AOPEP: variants seen among roughly 807,000 people sequenced by gnomAD.
The protein encoded by AOPEP is aminopeptidase O.
AOPEP carries 77 observed loss-of-function variants against 98.1 expected under a neutral mutation model. The ratio of observed to expected loss-of-function variants is 0.78; its 90% CI spans 0.65 to 0.95. The LOEUF (loss-of-function observed/expected upper bound fraction) is 0.95. AOPEP is among the 40% of genes least tolerant of loss of function. The pLI, the probability that AOPEP is intolerant of heterozygous loss-of-function variation, is 0.00. For synonymous variants in AOPEP, 346 were observed against 365.3 expected (o/e 0.95, Z 0.60); for missense variants, 1,024 against 1,024.7 (o/e 1.00, Z 0.01).
intron 1 of AOPEP, among the ~76,000 whole-genome samples, chr9:94,736,405 A>G (rs934630146): frequency 2.6e-5 from 4 of 152,182 alleles, no homozygotes; most frequent in African/African-American, 9.6e-5. Context: ...ATTCTTTAGC[A>G]TTTCTGGGGA....
At chr9:94,914,131 C>G (rs982618984) in intron 5 of AOPEP, among the ~76,000 whole-genome samples, 2 of 152,326 alleles carry the variant, frequency 1.3e-5, no homozygotes, top group East Asian at 1.9e-4. Flanking sequence ...ATAGAGCATC[C>G]TCTAAGAAAC....
chr9:95,092,000 G>C (rs541043269), downstream of AOPEP, among the ~76,000 whole-genome samples: 2 of 152,036 alleles, frequency 1.3e-5, no homozygotes, highest in Non-Finnish European at 2.9e-5. Flanking sequence ...TGAGAGCTTC[G>C]GTCACCAGGC....
intron 5 of AOPEP, among the ~76,000 whole-genome samples, chr9:94,820,556 C>T (rs1852842842): frequency 6.6e-6 from 1 of 152,132 alleles, no homozygotes; most frequent in South Asian, 2.1e-4. Context: ...TTATACTTTT[C>T]CAAAATATGG....
chr9:94,955,878 CT>C, intron 8 of AOPEP, 29 bp from the exon 9 acceptor site: 1 of 1,526,900 alleles, frequency 6.5e-7, no homozygotes. Flanking sequence ...TGGTAGGCCT[CT>C]TTTTCTCTCT....
chr9:94,802,667 GCAA>G (rs1848440212), intron 5 of AOPEP, among the ~76,000 whole-genome samples: 1 of 152,148 alleles, frequency 6.6e-6, no homozygotes, highest in African/African-American at 2.4e-5. Context: ...TCATAACTTA[GCAA>G]CAACAAGACT....
chr9:95,052,287 G>A (rs556975936), intron 13 of AOPEP, among the ~76,000 whole-genome samples: 21 of 152,242 alleles, frequency 1.4e-4, no homozygotes, highest in African/African-American at 5.1e-4. Context: ...TCTGGTTCCA[G>A]TATTTAAGAC....
At chr9:95,067,906 G>A (rs1456752056) in intron 14 of AOPEP, among the ~76,000 whole-genome samples, 12 of 152,126 alleles carry the variant, frequency 7.9e-5, no homozygotes. Flanking sequence ...CCTATTCTGG[G>A]CCTTCACATA....
Position 94,908,870 on chromosome 9 carries a change from C to T in AOPEP, c.1365-15116C>T, listed in dbSNP as rs115182386. ...CAGCCGAGTGCTGCAAATCTCGTCA[C>T]TGATAAATAACAGACATGTTCATCT... On this transcript the variant is annotated intron_variant, in intron 5 of 16. Coordinates refer to ENST00000375315, the MANE Select transcript of AOPEP (RefSeq NM_001193329.3). Among the ~76,000 whole-genome samples the T allele has an allele frequency of 4.2e-3, 644 of 152,348 alleles. 5 individuals carry two copies. The highest frequency in any genetic ancestry group is 0.015 in the African/African-American group (617 of 41,582).
At chr9:94,865,069 T>C (rs1439094842) in intron 5 of AOPEP, among the ~76,000 whole-genome samples, 2 of 152,318 alleles carry the variant, frequency 1.3e-5, no homozygotes, top group African/African-American at 4.8e-5. Context: ...GCTATTTAAA[T>C]CCATGGTTTA....
intron 1 of AOPEP, among the ~76,000 whole-genome samples, chr9:94,757,623 G>A (rs1192113353): frequency 6.6e-6 from 1 of 152,172 alleles, no homozygotes; most frequent in African/African-American, 2.4e-5. Flanking sequence ...ATCTGTTAGA[G>A]TTAGACAATA....
intron 1 of AOPEP, among the ~76,000 whole-genome samples, chr9:94,744,341 C>A (rs1233614978): frequency 6.6e-6 from 1 of 151,730 alleles, no homozygotes; most frequent in African/African-American, 2.4e-5. Flanking sequence ...GGCAGTGAGC[C>A]GAGATCGTGC....
At chr9:95,103,606 T>G in the AOPEP span, among the ~76,000 whole-genome samples, 1 of 151,674 alleles carries the variant, frequency 6.6e-6, no homozygotes, top group African/African-American at 2.4e-5. Context: ...GGCAGAGGAG[T>G]GCCTGGCGAG....
At position 95,027,781 on chromosome 9, in the gene AOPEP, G is replaced by T. The variant is rs370003496; in HGVS notation, c.2115+22165G>T. Among the ~76,000 whole-genome samples the T allele has an allele frequency of 2.2e-3, 342 of 152,282 alleles. 1 individual carries two copies. The highest frequency in any genetic ancestry group is 3.5e-3 in the South Asian group (17 of 4,822). ...ATCACATCATTAGAACATGGCAGGG[G>T]TTACTACGTTTTCAAGTCCAAATGA... is the stretch of plus-strand genomic sequence containing the variant. On this transcript the variant is annotated intron_variant, in intron 13 of 16. Transcript: ENST00000375315.
At chr9:95,111,478 C>T in the AOPEP span, 5 of 1,613,486 alleles carry the variant, frequency 3.1e-6, no homozygotes, top group Non-Finnish European at 3.4e-6. Context: ...TCTGTGCTCT[C>T]TGCTGCCTCC....
intron 9 of AOPEP, among the ~76,000 whole-genome samples, chr9:94,963,617 G>A (rs1181432656): frequency 6.6e-6 from 1 of 151,836 alleles, no homozygotes; most frequent in Non-Finnish European, 1.5e-5. Context: ...GGGGAGTGGG[G>A]GTGGGCTTTG....
At chr9:94,893,186 C>G (rs2049071096) in intron 5 of AOPEP, among the ~76,000 whole-genome samples, 1 of 152,168 alleles carries the variant, frequency 6.6e-6, no homozygotes, top group Non-Finnish European at 1.5e-5. Flanking sequence ...ATTATTTTCT[C>G]TTAGCTTTTC....
chr9:95,124,492 G>A, the AOPEP span, among the ~76,000 whole-genome samples: 8 of 152,088 alleles, frequency 5.3e-5, no homozygotes, highest in Admixed American at 6.6e-5. Context: ...TGCAGGGTGC[G>A]GGCCTGGCCT....
intron 13 of AOPEP, among the ~76,000 whole-genome samples, chr9:95,052,323 T>G (rs2066450856): frequency 1.3e-5 from 2 of 152,190 alleles, no homozygotes; most frequent in South Asian, 4.1e-4. Flanking sequence ...TATATTCCTT[T>G]TATAGAAGTT....
the AOPEP span, among the ~76,000 whole-genome samples, chr9:95,106,720 C>T: frequency 6.6e-6 from 1 of 152,204 alleles, no homozygotes; most frequent in East Asian, 1.9e-4. Flanking sequence ...TCATCGTGGC[C>T]TTACTTCTTT....
Sources: allele counts gnomAD v4.1 joint callset (sites outside exome capture counted in the v4.1 genomes callset), GRCh38; gene constraint gnomAD v4.1.1; transcripts MANE v1.5; gene names NCBI Gene and HGNC (gene_info 2026-07-23, HGNC 2026-07-21).